Variants in LRP5 observed in about 807,000 individuals in gnomAD.
LRP5 encodes the protein LDL receptor related protein 5, also known as low-density lipoprotein receptor-related protein 5.
In LRP5, 62 loss-of-function variants were observed where a neutral mutation model predicts 154.1. The ratio of observed to expected loss-of-function variants is 0.40; its 90% CI spans 0.33 to 0.50. LRP5 has a LOEUF of 0.50. Among genes scored for constraint, LRP5 ranks in the 20% least tolerant of loss-of-function variants. The pLI, the probability that LRP5 is intolerant of heterozygous loss-of-function variation, is 0.55. For missense variants in LRP5, 1,915 were observed against 2,336.7 expected (o/e 0.82, Z 3.72); for synonymous variants, 966 against 1,011.5 (o/e 0.96, Z 0.85).
At chr11:68,426,321 C>A (rs756399407) in intron 16 of LRP5, 134 bp downstream of exon 16, 1 of 727,174 alleles carries the variant, frequency 1.4e-6, no homozygotes, top group Non-Finnish European at 2.2e-6. Flanking sequence ...CTGTTGCCCG[C>A]TGGGGTTCAG....
the LRP5 span, among the ~76,000 whole-genome samples, chr11:68,300,427 A>G: frequency 6.7e-6 from 1 of 149,216 alleles, no homozygotes; most frequent in Non-Finnish European, 1.5e-5. Flanking sequence ...TGGAGGAATC[A>G]GGGGCATTAA....
chr11:68,307,228 T>C, the LRP5 span, among the ~76,000 whole-genome samples: 1 of 151,912 alleles, frequency 6.6e-6, no homozygotes, highest in African/African-American at 2.4e-5. Flanking sequence ...TCCCAACACT[T>C]TGGGAGGCCA....
In LRP5 at chr11:68,389,986, C is replaced by T. The variant is rs148073961; in HGVS notation, c.1518C>T (p.Asn506=). ...VLVNASLGWP[N]GLALDLQEGK... ...TCAATGCCTCCCTCGGGTGGCCCAA[C>T]GGCCTGGCCCTGGACCTGCAGGAGG... The change falls in exon 7 of 23, where the codon AAC becomes AAT. Residue 506 remains asparagine (N), a synonymous_variant. Coordinates refer to ENST00000294304, the MANE Select transcript of LRP5 (RefSeq NM_002335.4). 1.1e-4 allele frequency: 184 copies of T among 1,614,016 alleles called. No homozygotes were observed. Among genetic ancestry groups the T allele is most frequent in the Non-Finnish European group, 1.5e-4 (174 of 1,180,028 alleles).
chr11:68,299,890 G>A, the LRP5 span, among the ~76,000 whole-genome samples: 2 of 148,456 alleles, frequency 1.3e-5, no homozygotes, highest in Non-Finnish European at 3.0e-5. Context: ...GCCTTTTTTT[G>A]TTTATTTGTT....
At position 68,436,970 on chromosome 11, in the gene LRP5, G is replaced by A; in HGVS notation, c.4082G>A (p.Cys1361Tyr). 1.2e-6 allele frequency: 2 copies of A among 1,613,816 alleles called. No individual in the cohort carries two copies. Among genetic ancestry groups the A allele is most frequent in the African/African-American group, 1.3e-5 (1 of 75,082 alleles). ...IKQQCDSFPD[C>Y]IDGSDELMCE... ...CAGCAGTGCGACTCCTTCCCCGACTGTATCGACGGCTCCGACGAGCTCATG... is the reference window on the plus strand; with the variant it reads ...CAGCAGTGCGACTCCTTCCCCGACTATATCGACGGCTCCGACGAGCTCATG... The change falls in exon 19 of 23, where the codon TGT becomes TAT. Residue 1361 changes from cysteine (C) to tyrosine (Y), a missense_variant. Cys to Tyr is a radical substitution (Grantham distance 194, BLOSUM62 -2). Around this residue, in one of 3 missense-constraint regions of LRP5, gnomAD observed 1,094 missense variants for 1,210.1 expected, o/e 0.90. Coordinates refer to ENST00000294304, the MANE Select transcript of LRP5 (RefSeq NM_002335.4).
intron 13 of LRP5, among the ~76,000 whole-genome samples, chr11:68,422,673 C>G (rs943873352): frequency 2.0e-5 from 3 of 152,112 alleles, no homozygotes; most frequent in African/African-American, 7.2e-5. Context: ...CCTTGAGAGT[C>G]ACTGAGAGAC....
rs187810009 is a variant in LRP5 at position 68,354,274 on chromosome 11, G to A, written c.489-3376G>A. On this transcript the variant is annotated intron_variant, in intron 2 of 22. Transcript: ENST00000294304. ...AGCGTTTGAGACTCTGCAAGAGCACGTCCACGCCAACCAGTCTCTGGTCAC... is the reference window on the plus strand; with the variant it reads ...AGCGTTTGAGACTCTGCAAGAGCACATCCACGCCAACCAGTCTCTGGTCAC... Among the ~76,000 whole-genome samples, 772 of 152,338 alleles carry A rather than the reference G, an allele frequency of 5.1e-3. 1 individual carries two copies. Among genetic ancestry groups the A allele is most frequent in the Non-Finnish European group, 8.8e-3 (597 of 68,030 alleles).
chr11:68,439,946 CG>C, intron 21 of LRP5, 30 bp downstream of exon 21: 2 of 448,382 alleles, frequency 4.5e-6, no homozygotes, highest in Non-Finnish European at 4.2e-6. Flanking sequence ...AGGGGCGGGG[CG>C]GGATGGGGCT....
chr11:68,310,258 C>T (rs192248841), upstream of LRP5, among the ~76,000 whole-genome samples: 12 of 152,146 alleles, frequency 7.9e-5, no homozygotes, highest in East Asian at 1.7e-3. Flanking sequence ...GAGTGAGCCA[C>T]GAGGCTAAGT....
intron 1 of LRP5, among the ~76,000 whole-genome samples, chr11:68,328,858 C>T (rs1448470466): frequency 6.6e-6 from 1 of 152,190 alleles, no homozygotes; most frequent in Non-Finnish European, 1.5e-5. Flanking sequence ...AAAGGGTAGC[C>T]CAGTCTGCAG....
Position 68,365,685 on chromosome 11 carries a change from G to GCAGGAC in LRP5, c.999_1004dup (p.Arg334_Thr335dup). On this transcript the variant is annotated inframe_insertion, in exon 5 of 23. Coordinates refer to ENST00000294304, the MANE Select transcript of LRP5 (RefSeq NM_002335.4). ...ACGGGTGTGCAGCTGCAGGACAACG[G>GCAGGAC]CAGGACGTGTAAGGCAGGTGAGGCG... The GCAGGAC allele has an allele frequency of 6.4e-7, 1 of 1,561,070 alleles. No individual in the cohort carries two copies. The highest frequency in any genetic ancestry group is 8.7e-7 in the Non-Finnish European group (1 of 1,146,636).
chr11:68,405,773 G>A (rs1009505322), intron 8 of LRP5, among the ~76,000 whole-genome samples: 3 of 152,218 alleles, frequency 2.0e-5, no homozygotes, highest in African/African-American at 7.2e-5. Context: ...ATAAACGAAC[G>A]GTCTGTACTA....
At chr11:68,403,332 T>C (rs1454660992) in intron 7 of LRP5, 151 bp from the exon 8 acceptor site, 1 of 685,816 alleles carries the variant, frequency 1.5e-6, no homozygotes, top group Admixed American at 2.2e-5. Flanking sequence ...ACCTGGTGTT[T>C]TATGGTACCT....
intron 17 of LRP5, among the ~76,000 whole-genome samples, chr11:68,430,176 CGTTT>C: frequency 6.6e-6 from 1 of 151,960 alleles, no homozygotes. Context: ...TGTTTTGCTT[CGTTT>C]GTTTTGTTTT....
rs767742931 is a variant in LRP5, at chr11:68,335,942, G to T, written c.92-11905G>T. ...CAGTGAGTGATTGCAGAAGTGCTGTGAGGTTTAATTTGGGGGATATAAATA... is the reference window on the plus strand; with the variant it reads ...CAGTGAGTGATTGCAGAAGTGCTGTTAGGTTTAATTTGGGGGATATAAATA... On this transcript the variant is annotated intron_variant, in intron 1 of 22. Coordinates refer to ENST00000294304, the MANE Select transcript of LRP5 (RefSeq NM_002335.4). Among the ~76,000 whole-genome samples, 27 of 152,344 alleles carry T rather than the reference G, an allele frequency of 1.8e-4. 1 individual carries two copies. The Middle Eastern group carries it at 0.01, about 58-fold the overall frequency.
At chr11:68,440,926 G>A (rs774167551) in intron 21 of LRP5, among the ~76,000 whole-genome samples, 33 of 152,104 alleles carry the variant, frequency 2.2e-4, no homozygotes, top group African/African-American at 6.5e-4. Flanking sequence ...GTGCCACCAC[G>A]CCCAGCTAAT....
chr11:68,341,611 G>A (rs986100118), intron 1 of LRP5, among the ~76,000 whole-genome samples: 3 of 152,100 alleles, frequency 2.0e-5, no homozygotes, highest in Non-Finnish European at 4.4e-5. Context: ...GGCACATGAC[G>A]TGGTGGGAAG....
intron 9 of LRP5, among the ~76,000 whole-genome samples, chr11:68,407,407 G>T (rs2098656356): frequency 6.6e-6 from 1 of 151,212 alleles, no homozygotes; most frequent in Non-Finnish European, 1.5e-5. Flanking sequence ...CCTGACCTCA[G>T]GTGATCTGCC....
At chr11:68,364,102 G>C (rs2098629580) in intron 4 of LRP5, among the ~76,000 whole-genome samples, 159 bp downstream of exon 4, 2 of 151,416 alleles carry the variant, frequency 1.3e-5, no homozygotes, top group South Asian at 4.2e-4. Flanking sequence ...TGCTCTGGGG[G>C]GCCCCCTCTC....
Sources: gnomAD v4.1 joint callset for allele counts (sites outside exome capture counted in the v4.1 genomes callset) on GRCh38, gnomAD v4.1.1 for gene constraint, gnomAD v4.1.1 regional missense constraint, MANE v1.5 for transcripts, NCBI Gene and HGNC (gene_info 2026-07-23, HGNC 2026-07-21) for gene names.